The following MCUB variants were observed in gnomAD, a reference collection of about 807,000 sequenced individuals.
The protein encoded by MCUB is calcium uniporter regulatory subunit MCUb, mitochondrial.
Under a neutral mutation model 41.4 loss-of-function variants are expected in MCUB, and 46 were observed. The ratio of observed to expected loss-of-function variants is 1.11; its 90% CI spans 0.88 to 1.42. The LOEUF (loss-of-function observed/expected upper bound fraction) is 1.42, where lower values mean the gene tolerates loss of function less well. MCUB is among the 40% of genes most tolerant of loss of function. MCUB has a pLI of 0.00. For missense variants in MCUB, 403 were observed against 404.9 expected (o/e 1.00, Z 0.04); for synonymous variants, 148 against 148.2 (o/e 1.00, Z 0.01).
chr4:109,681,866 G>C (rs1729724198), intron 4 of MCUB, among the ~76,000 whole-genome samples: 1 of 152,224 alleles, frequency 6.6e-6, no homozygotes, highest in South Asian at 2.1e-4. Flanking sequence ...CGAACCAGAA[G>C]AGTGCAGTTT....
At chr4:109,628,021 A>AT (rs1405018248) in intron 1 of MCUB, among the ~76,000 whole-genome samples, 1 of 152,176 alleles carries the variant, frequency 6.6e-6, no homozygotes, top group African/African-American at 2.4e-5. Flanking sequence ...TCAGATTGAA[A>AT]TAAGAATTAG....
intron 1 of MCUB, among the ~76,000 whole-genome samples, chr4:109,640,049 G>C (rs777757601): frequency 1.3e-5 from 2 of 152,216 alleles, no homozygotes; most frequent in Admixed American, 6.5e-5. Flanking sequence ...TGAGATTATC[G>C]TTAGTTCTTA....
At chr4:109,561,386 C>G (rs1449992183) in intron 1 of MCUB, among the ~76,000 whole-genome samples, 1 of 152,176 alleles carries the variant, frequency 6.6e-6, no homozygotes, top group African/African-American at 2.4e-5. Context: ...CCTTCCCCCC[C>G]TTTTCCTCCA....
chr4:109,624,330 G>A (rs1262773851), intron 1 of MCUB, among the ~76,000 whole-genome samples: 2 of 152,210 alleles, frequency 1.3e-5, no homozygotes, highest in Non-Finnish European at 2.9e-5. Context: ...TCCGGCTGTT[G>A]AAGTGAATGA....
At chr4:109,649,886 A>G (rs1285175317) in intron 1 of MCUB, among the ~76,000 whole-genome samples, 1 of 152,044 alleles carries the variant, frequency 6.6e-6, no homozygotes, top group South Asian at 2.1e-4. Flanking sequence ...GACTCATTAT[A>G]CTTCTTAAAT....
chr4:109,625,547 C>G (rs1285615487), intron 1 of MCUB, among the ~76,000 whole-genome samples: 1 of 152,184 alleles, frequency 6.6e-6, no homozygotes, highest in African/African-American at 2.4e-5. Flanking sequence ...GAGTTGTAAG[C>G]TAGGCTAATC....
intron 3 of MCUB, among the ~76,000 whole-genome samples, chr4:109,661,079 A>G (rs1729220627): frequency 6.6e-6 from 1 of 152,218 alleles, no homozygotes; most frequent in Non-Finnish European, 1.5e-5. Flanking sequence ...GTTATAAAGC[A>G]ATTACAGTCT....
At chr4:109,585,285 G>A (rs553515700) in intron 1 of MCUB, among the ~76,000 whole-genome samples, 1 of 152,084 alleles carries the variant, frequency 6.6e-6, no homozygotes, top group South Asian at 2.1e-4. Context: ...CTTTTTTCCT[G>A]CTTTCCATTT....
At chr4:109,659,347 T>G (rs1478263238) in intron 2 of MCUB, among the ~76,000 whole-genome samples, 3 of 152,144 alleles carry the variant, frequency 2.0e-5, no homozygotes, top group East Asian at 1.9e-4. Flanking sequence ...CCCAGCACTT[T>G]GGGAAGCCAC....
At chr4:109,662,765 A>G (rs771316060) in intron 3 of MCUB, among the ~76,000 whole-genome samples, 4 of 152,160 alleles carry the variant, frequency 2.6e-5, no homozygotes, top group Admixed American at 6.5e-5. Context: ...AGTCATTTAC[A>G]TGTAAATTTT....
intron 1 of MCUB, among the ~76,000 whole-genome samples, chr4:109,582,538 T>A (rs541219532): frequency 4.2e-4 from 54 of 129,314 alleles, no homozygotes; most frequent in South Asian, 1.6e-3. Context: ...TAATAAAATT[T>A]AAAAAAAAAA....
rs911197944 is a variant in MCUB at position 109,688,558 on chromosome 4, G to A, written c.*966G>A. On this transcript the variant is annotated 3_prime_UTR_variant, in exon 8 of 8. Coordinates refer to ENST00000394650, the MANE Select transcript of MCUB (RefSeq NM_017918.5). The stretch of plus-strand genomic sequence containing the variant: ...TAGATGAAATATTAAACATTTAAAT[G>A]ACCGAGTAAAAAACATCTATCAATT... The A allele has an allele frequency of 6.6e-6, 1 of 152,162 alleles. No individual in the cohort carries two copies. The highest frequency in any genetic ancestry group is 2.1e-4 in the South Asian group (1 of 4,826). The allele number at this position is 152,162 out of a possible 1,614,324, so 9.4% of individuals were successfully genotyped here.
chr4:109,639,372 C>T (rs1358284210), intron 1 of MCUB, among the ~76,000 whole-genome samples: 3 of 150,616 alleles, frequency 2.0e-5, no homozygotes, highest in East Asian at 1.9e-4. Context: ...TCCCCCTGAG[C>T]AGTAGGTCTC....
At chr4:109,577,224 C>A (rs900106312) in intron 1 of MCUB, among the ~76,000 whole-genome samples, 3 of 152,212 alleles carry the variant, frequency 2.0e-5, no homozygotes, top group Non-Finnish European at 2.9e-5. Flanking sequence ...GAAAAATCCT[C>A]AGTCCAGGTT....
Position 109,659,018 on chromosome 4 carries a change from G to C in MCUB, c.107G>C (p.Arg36Pro), listed in dbSNP as rs762254173. 17 of 1,529,704 alleles carry C rather than the reference G, an allele frequency of 1.1e-5. No individual in the cohort carries two copies. In the South Asian group the frequency reaches 1.8e-4, roughly 16 times the overall value. The allele number at this position is 1,529,704 out of a possible 1,614,324, so 94.8% of individuals were successfully genotyped here. A position where few individuals can be genotyped will look rare whatever the true frequency, so the allele number is the denominator to read the frequency against. The change falls in exon 2 of 8, where the codon CGT becomes CCT. Residue 36 changes from arginine (R) to proline (P), a missense_variant. By Grantham distance (103) the Arg-to-Pro change is moderately radical. Transcript: ENST00000394650. ...WPLPPPPQVL[R>P]VKLCGNVKYY... is the part of the protein sequence containing the mutation. ...AATTTTTCCTTCTTGTAGGTTTTGC[G>C]TGTGAAGCTGTGTGGAAATGTGAAA...
At chr4:109,612,547 T>G (rs967213179) in intron 1 of MCUB, among the ~76,000 whole-genome samples, 5 of 152,064 alleles carry the variant, frequency 3.3e-5, no homozygotes, top group Admixed American at 3.3e-4. Flanking sequence ...ATTATAGGTG[T>G]GAGCCACCAC....
intron 1 of MCUB, among the ~76,000 whole-genome samples, chr4:109,579,553 C>A (rs961065263): frequency 6.6e-6 from 1 of 152,160 alleles, no homozygotes; most frequent in African/African-American, 2.4e-5. Flanking sequence ...CACCACATAG[C>A]ATTAGGCAGG....
At chr4:109,661,993 AC>A (rs1227167701) in intron 3 of MCUB, among the ~76,000 whole-genome samples, 2 of 152,198 alleles carry the variant, frequency 1.3e-5, no homozygotes, top group Non-Finnish European at 2.9e-5. Context: ...AGATGGCACC[AC>A]TGCACTCCAG....
intron 1 of MCUB, among the ~76,000 whole-genome samples, chr4:109,633,140 A>T (rs1488821968): frequency 2.0e-5 from 3 of 152,230 alleles, no homozygotes; most frequent in African/African-American, 7.2e-5. Context: ...ATGACTATAA[A>T]TTTATAACAG....
Sources: gnomAD v4.1 joint callset for allele counts (sites outside exome capture counted in the v4.1 genomes callset) on GRCh38, gnomAD v4.1.1 for gene constraint, MANE v1.5 for transcripts, NCBI Gene and HGNC (gene_info 2026-07-23, HGNC 2026-07-21) for gene names.